Variants in CASD1 observed in about 807,000 individuals in gnomAD.
CASD1 encodes CAS1 domain sialic acid O acetyltransferase 1, also known as N-acetylneuraminate (7)9-O-acetyltransferase.
Under a neutral mutation model 100.0 loss-of-function variants are expected in CASD1, and 41 were observed. That is an observed-to-expected ratio of 0.41 (90% CI 0.32 to 0.53). The LOEUF (loss-of-function observed/expected upper bound fraction) is 0.53. Among genes scored for constraint, CASD1 ranks in the 20% least tolerant of loss-of-function variants. The pLI is 0.25. For synonymous variants in CASD1, 321 were observed against 315.6 expected (o/e 1.02, Z -0.18); for missense variants, 774 against 948.7 (o/e 0.82, Z 2.42).
At chr7:94,542,080 ATACT>A (rs1192477796) in intron 10 of CASD1, among the ~76,000 whole-genome samples, 1 of 152,232 alleles carries the variant, frequency 6.6e-6, no homozygotes, top group Non-Finnish European at 1.5e-5. Flanking sequence ...TAAATGAATT[ATACT>A]TACTGTTTAA....
the CASD1 span, among the ~76,000 whole-genome samples, chr7:94,605,392 T>TTAACA: frequency 6.6e-6 from 1 of 152,202 alleles, no homozygotes; most frequent in Non-Finnish European, 1.5e-5. Context: ...TTTATTTTTC[T>TTAACA]TAATTGATCT....
intron 8 of CASD1, among the ~76,000 whole-genome samples, chr7:94,537,193 C>T (rs1258976895): frequency 1.3e-5 from 2 of 151,610 alleles, no homozygotes; most frequent in African/African-American, 4.8e-5. Flanking sequence ...GAGTGCATTC[C>T]AAGTCGTAAG....
chr7:94,554,195 G>T (rs570391975), intron 16 of CASD1: 23 of 195,892 alleles, frequency 1.2e-4, no homozygotes, highest in Non-Finnish European at 7.2e-5. Context: ...CTACACAAAG[G>T]GCCTTAGGCA....
intron 1 of CASD1, among the ~76,000 whole-genome samples, chr7:94,510,612 C>T (rs996633723): frequency 3.3e-5 from 5 of 152,228 alleles, no homozygotes; most frequent in African/African-American, 1.2e-4. Context: ...CGCATGAAGC[C>T]CAAGGCCGCC....
intron 3 of CASD1, among the ~76,000 whole-genome samples, chr7:94,523,828 G>A (rs926231931): frequency 1.3e-5 from 2 of 152,142 alleles, no homozygotes; most frequent in African/African-American, 4.8e-5. Flanking sequence ...AATTAAAACA[G>A]TGTGGTATTG....
chr7:94,550,673 C>T (rs10263827), intron 14 of CASD1, among the ~76,000 whole-genome samples: 10,567 of 151,954 alleles, frequency 0.07, 480 homozygotes, highest in Middle Eastern at 0.12. Context: ...CAAGGGTGCT[C>T]TCTGGGGTCT....
chr7:94,522,907 C>T (rs564428389), intron 3 of CASD1, among the ~76,000 whole-genome samples: 69 of 152,292 alleles, frequency 4.5e-4, no homozygotes, highest in Admixed American at 2.0e-3. Context: ...GTGATCCACC[C>T]ACCTCGGCCT....
the CASD1 span, among the ~76,000 whole-genome samples, chr7:94,596,459 C>T: frequency 6.6e-6 from 1 of 152,250 alleles, no homozygotes; most frequent in Admixed American, 6.5e-5. Flanking sequence ...TAAAATTCTA[C>T]AGCACTGTTT....
At chr7:94,600,306 C>A in the CASD1 span, 3 of 251,636 alleles carry the variant, frequency 1.2e-5, no homozygotes, top group Non-Finnish European at 2.3e-5. Flanking sequence ...TTTTTAAGTG[C>A]AATTACCATG....
the CASD1 span, among the ~76,000 whole-genome samples, chr7:94,630,340 A>C: frequency 6.6e-6 from 1 of 151,930 alleles, no homozygotes; most frequent in African/African-American, 2.4e-5. Flanking sequence ...CACTATCAAT[A>C]CATGTAATGC....
chr7:94,517,739 T>A (rs1397882493), intron 2 of CASD1, 83 bp downstream of exon 2: 3 of 797,818 alleles, frequency 3.8e-6, no homozygotes, highest in Non-Finnish European at 6.3e-6. Context: ...ACAGTACTTT[T>A]CATCTCTATG....
chr7:94,610,041 A>G, the CASD1 span, among the ~76,000 whole-genome samples: 1 of 152,230 alleles, frequency 6.6e-6, no homozygotes, highest in South Asian at 2.1e-4. Flanking sequence ...GGAATAAGCT[A>G]TCGAGCCATG....
intron 2 of CASD1, 95 bp downstream of exon 2, chr7:94,517,751 T>A: frequency 2.7e-6 from 2 of 730,826 alleles, no homozygotes; most frequent in Non-Finnish European, 4.7e-6. Flanking sequence ...ATCTCTATGT[T>A]GGGGTAGAGA....
At position 94,536,088 on chromosome 7, in the gene CASD1, C is replaced by T. The variant is rs376723666; in HGVS notation, c.843+565C>T. On this transcript the variant is annotated intron_variant, in intron 8 of 17. Transcript: ENST00000297273. The stretch of plus-strand genomic sequence containing the variant: ...GGAAACCCCATCTCTACTAAAAATA[C>T]AAAAATTAGCTGGGTGTGGTGGCAC... Among the ~76,000 whole-genome samples, 202 of 152,030 alleles carry T rather than the reference C, an allele frequency of 1.3e-3. 7 individuals are homozygous for T. The South Asian group carries it at 0.04, about 30-fold the overall frequency.
the CASD1 span, chr7:94,628,596 T>G: frequency 2.0e-6 from 1 of 495,374 alleles, no homozygotes; most frequent in Admixed American, 3.3e-5. Flanking sequence ...TCATACAATT[T>G]TCTTGGAAAT....
chr7:94,568,164 CTG>C, the CASD1 span, among the ~76,000 whole-genome samples: 3 of 152,072 alleles, frequency 2.0e-5, no homozygotes, highest in African/African-American at 7.2e-5. Flanking sequence ...CTAATTAAAA[CTG>C]TGTGGAGCTA....
chr7:94,553,327 G>T (rs1373020057), intron 16 of CASD1, among the ~76,000 whole-genome samples: 1 of 151,998 alleles, frequency 6.6e-6, no homozygotes, highest in Non-Finnish European at 1.5e-5. Context: ...TAAGTGCCTT[G>T]CCACAAGTCC....
At chr7:94,581,980 A>G in the CASD1 span, among the ~76,000 whole-genome samples, 5 of 152,148 alleles carry the variant, frequency 3.3e-5, no homozygotes, top group African/African-American at 9.7e-5. Context: ...GAACTAATTT[A>G]CACTCCCACC....
chr7:94,510,028 C>T lies in CASD1; in HGVS notation c.-57C>T. On this transcript the variant is annotated 5_prime_UTR_variant, in exon 1 of 18. Transcript: ENST00000297273. ...GCAGCGGCGGCAGCCCCAGTGCTGC[C>T]CCTGTGCGGCGCCCCTTTCCCGCTC... The T allele has an allele frequency of 6.9e-7, 1 of 1,448,640 alleles. No individual in the cohort carries two copies. The highest frequency in any genetic ancestry group is 9.2e-7 in the Non-Finnish European group (1 of 1,090,026). 89.7% of individuals were successfully genotyped at this position (1,448,640 alleles called of 1,614,324 possible). A position where few individuals can be genotyped will look rare whatever the true frequency, so the allele number is the denominator to read the frequency against.
Sources: gnomAD v4.1 joint callset for allele counts (sites outside exome capture counted in the v4.1 genomes callset) on GRCh38, gnomAD v4.1.1 for gene constraint, MANE v1.5 for transcripts, NCBI Gene and HGNC (gene_info 2026-07-23, HGNC 2026-07-21) for gene names.